The following GRK5 variants were observed in gnomAD, a reference collection of about 807,000 sequenced individuals.
The protein encoded by GRK5 is g protein-coupled receptor kinase GRK5.
In GRK5, 40 loss-of-function variants were observed where a neutral mutation model predicts 78.4. That is an observed-to-expected ratio of 0.51 (90% CI 0.40 to 0.66). The LOEUF is 0.66. GRK5 is among the 30% of genes least tolerant of loss of function. GRK5 has a pLI of 0.00. For missense variants in GRK5, 598 were observed against 759.9 expected, an observed-to-expected ratio of 0.79 and a Z score of 2.50; for synonymous variants, 289 against 296.8, an observed-to-expected ratio of 0.97 and a Z score of 0.27.
rs192094321 is a variant in GRK5 at position 119,230,745 on chromosome 10, C to T, written c.52+22776C>T. On this transcript the variant is annotated intron_variant, in intron 1 of 15. Coordinates refer to ENST00000392870, the MANE Select transcript of GRK5 (RefSeq NM_005308.3). ...CCCAGCCACTTGGGGAGGACTGAAG[C>T]GGATCACTTGAGCCCAGGGATGCTG... is the stretch of plus-strand genomic sequence containing the variant. Among the ~76,000 whole-genome samples the T allele has an allele frequency of 3.6e-3, 515 of 143,386 alleles. 6 individuals carry two copies. The highest frequency in any genetic ancestry group is 0.012 in the African/African-American group (481 of 38,830). 94.1% of individuals were successfully genotyped at this position (143,386 alleles called of 152,430 possible).
At chr10:119,413,189 C>T (rs972443675) in intron 4 of GRK5, among the ~76,000 whole-genome samples, 3 of 151,940 alleles carry the variant, frequency 2.0e-5, no homozygotes, top group Admixed American at 1.3e-4. Flanking sequence ...GGCACTTCTC[C>T]CCCACCCAGC....
At chr10:119,394,203 T>A (rs1298319306) in intron 3 of GRK5, among the ~76,000 whole-genome samples, 1 of 34,112 alleles carries the variant, frequency 2.9e-5, no homozygotes, top group Non-Finnish European at 7.3e-5. Flanking sequence ...TGGGGGTGTG[T>A]ATCTGTGTGT....
intron 1 of GRK5, among the ~76,000 whole-genome samples, chr10:119,245,641 A>G (rs1589699332): frequency 6.6e-6 from 1 of 152,200 alleles, no homozygotes; most frequent in Non-Finnish European, 1.5e-5. Context: ...CAGTGGGTAT[A>G]AAGTTTCTGA....
At chr10:119,296,175 G>A (rs1224577558) in intron 1 of GRK5, among the ~76,000 whole-genome samples, 1 of 152,146 alleles carries the variant, frequency 6.6e-6, no homozygotes, top group African/African-American at 2.4e-5. Context: ...TTGGTTCTCG[G>A]GCTTGTCCCT....
intron 1 of GRK5, among the ~76,000 whole-genome samples, chr10:119,252,173 C>T (rs1349523120): frequency 6.6e-6 from 1 of 152,202 alleles, no homozygotes; most frequent in Non-Finnish European, 1.5e-5. Flanking sequence ...ATCCTGGAGA[C>T]AGCCATGCAA....
At chr10:119,435,611 A>G (rs1468141846) in intron 8 of GRK5, among the ~76,000 whole-genome samples, 3 of 152,204 alleles carry the variant, frequency 2.0e-5, no homozygotes, top group African/African-American at 7.2e-5. Context: ...TATTATCCAT[A>G]TCACTTTCAG....
chr10:119,249,220 G>A (rs1849159373), intron 1 of GRK5, among the ~76,000 whole-genome samples: 1 of 151,878 alleles, frequency 6.6e-6, no homozygotes, highest in Non-Finnish European at 1.5e-5. Context: ...GCAGTGAGCC[G>A]AGATCGTGCC....
intron 2 of GRK5, among the ~76,000 whole-genome samples, chr10:119,376,372 A>G (rs1467920054): frequency 6.6e-6 from 1 of 152,140 alleles, no homozygotes; most frequent in African/African-American, 2.4e-5. Flanking sequence ...ACCCACCCAC[A>G]TATCCCCACG....
At chr10:119,326,649 T>A (rs1399257665) in intron 2 of GRK5, 38 bp downstream of exon 2, 1 of 1,489,214 alleles carries the variant, frequency 6.7e-7, no homozygotes, top group Non-Finnish European at 9.4e-7. Flanking sequence ...GGGGAGTGAG[T>A]AGCAGGTGAT....
intron 4 of GRK5, among the ~76,000 whole-genome samples, chr10:119,420,859 G>T (rs115655602): frequency 0.019 from 2,962 of 152,218 alleles, 99 homozygotes; most frequent in African/African-American, 0.067. Context: ...GGCATTACAG[G>T]CATGAGCCAC....
rs190676622 is a variant in GRK5, at chr10:119,314,026, A to G, written c.53-12490A>G. Among the ~76,000 whole-genome samples the G allele has an allele frequency of 4.0e-3, 602 of 152,338 alleles. 2 individuals are homozygous for G. The highest frequency in any genetic ancestry group is 6.8e-3 in the Middle Eastern group (2 of 294). ...TCCAGCCAAGACATTTCAGACACTC[A>G]TAGCTGAGAACTGTGGCACAGGGAA... On this transcript the variant is annotated intron_variant, in intron 1 of 15. Transcript: ENST00000392870.
intron 12 of GRK5, among the ~76,000 whole-genome samples, chr10:119,446,390 G>T (rs868359959): frequency 6.6e-6 from 1 of 152,210 alleles, no homozygotes; most frequent in Non-Finnish European, 1.5e-5. Context: ...GGCTTCTCTT[G>T]AAAAGCAGAA....
At chr10:119,326,301 G>GTCAGGCCTCCCTCACTGCTA (rs1850677405) in intron 1 of GRK5, among the ~76,000 whole-genome samples, 3 of 152,342 alleles carry the variant, frequency 2.0e-5, no homozygotes, top group East Asian at 3.9e-4. Flanking sequence ...AGGGGGCCGG[G>GTCAGGCCTCCCTCACTGCTA]GTCAGGCAGG....
chr10:119,278,116 A>T (rs1047267187), intron 1 of GRK5, among the ~76,000 whole-genome samples: 3 of 152,110 alleles, frequency 2.0e-5, no homozygotes, highest in African/African-American at 7.2e-5. Flanking sequence ...GAAATTGACA[A>T]CCTGTTTTCC....
intron 1 of GRK5, among the ~76,000 whole-genome samples, chr10:119,272,949 G>T (rs1431479009): frequency 2.0e-5 from 3 of 152,232 alleles, no homozygotes; most frequent in Non-Finnish European, 2.9e-5. Flanking sequence ...TCAAGCAGAA[G>T]CTGGCTAGCC....
At chr10:119,415,815 C>T (rs185385225) in intron 4 of GRK5, among the ~76,000 whole-genome samples, 30 of 152,344 alleles carry the variant, frequency 2.0e-4, no homozygotes, top group Admixed American at 6.5e-4. Flanking sequence ...CCAATCCTGG[C>T]CCCGCCATGG....
chr10:119,304,511 C>T (rs1467169822), intron 1 of GRK5, among the ~76,000 whole-genome samples: 1 of 152,066 alleles, frequency 6.6e-6, no homozygotes, highest in South Asian at 2.1e-4. Flanking sequence ...TGCATTTCCC[C>T]GTCATTCCTC....
At chr10:119,234,283 A>T (rs1848881840) in intron 1 of GRK5, among the ~76,000 whole-genome samples, 1 of 152,252 alleles carries the variant, frequency 6.6e-6, no homozygotes, top group Admixed American at 6.5e-5. Context: ...GTTTGAACCC[A>T]GCCCGTTGAG....
intron 9 of GRK5, among the ~76,000 whole-genome samples, chr10:119,437,797 G>A (rs958742282): frequency 6.6e-6 from 1 of 152,176 alleles, no homozygotes; most frequent in Non-Finnish European, 1.5e-5. Flanking sequence ...AAGTCTCTAA[G>A]TGTTAAAATA....
Sources: gnomAD v4.1 joint callset for allele counts (sites outside exome capture counted in the v4.1 genomes callset) on GRCh38, gnomAD v4.1.1 for gene constraint, MANE v1.5 for transcripts, NCBI Gene and HGNC (gene_info 2026-07-23, HGNC 2026-07-21) for gene names.